Variants in TRIM2 observed in about 807,000 individuals in gnomAD.
TRIM2 encodes the protein tripartite motif-containing protein 2.
A neutral mutation model predicts 75.2 loss-of-function variants in TRIM2; 20 were observed. The ratio of observed to expected loss-of-function variants is 0.27; its 90% CI spans 0.19 to 0.39. The LOEUF (loss-of-function observed/expected upper bound fraction) is 0.39. TRIM2 is among the 10% of genes least tolerant of loss of function. TRIM2 has a pLI of 1.00. For synonymous variants in TRIM2, 373 were observed against 388.3 expected (o/e 0.96, Z 0.46); for missense variants, 660 against 990.8 (o/e 0.67, Z 4.48).
intron 1 of TRIM2, among the ~76,000 whole-genome samples, chr4:153,205,567 C>T (rs947092833): frequency 2.6e-5 from 4 of 151,994 alleles, no homozygotes; most frequent in Non-Finnish European, 4.4e-5. Flanking sequence ...TCTGGTGAGC[C>T]CCGTGGTGTG....
At chr4:153,294,837 C>T (rs897458440) in intron 5 of TRIM2, among the ~76,000 whole-genome samples, 1 of 152,182 alleles carries the variant, frequency 6.6e-6, no homozygotes, top group Non-Finnish European at 1.5e-5. Context: ...TCAAAATGAA[C>T]CCTGACTGCA....
chr4:153,244,386 T>TCTTCTTCTC (rs1748225332), intron 1 of TRIM2, among the ~76,000 whole-genome samples: 1 of 74,350 alleles, frequency 1.3e-5, no homozygotes, highest in Non-Finnish European at 2.3e-5. Context: ...TTCTTCTTCT[T>TCTTCTTCTC]CTTCTTCTTC....
At chr4:153,229,294 C>T (rs1057086795) in intron 1 of TRIM2, among the ~76,000 whole-genome samples, 8 of 152,176 alleles carry the variant, frequency 5.3e-5, no homozygotes, top group Non-Finnish European at 8.8e-5. Context: ...GACAGAGTCT[C>T]ACACTGTCAC....
intron 1 of TRIM2, among the ~76,000 whole-genome samples, chr4:153,194,697 T>C (rs1437888339): frequency 6.6e-6 from 1 of 152,154 alleles, no homozygotes; most frequent in Non-Finnish European, 1.5e-5. Flanking sequence ...TTCACTAGTG[T>C]CAAAATGCAT....
intron 1 of TRIM2, among the ~76,000 whole-genome samples, chr4:153,233,426 G>A (rs1480933040): frequency 6.6e-6 from 1 of 151,876 alleles, no homozygotes; most frequent in Non-Finnish European, 1.5e-5. Context: ...TTTACTTACA[G>A]TCAAATTCAC....
At position 153,295,231 on chromosome 4, in the gene TRIM2, C is replaced by T. The variant is rs1359462136; in HGVS notation, c.787-82C>T. 1.4e-6 allele frequency: 2 copies of T among 1,442,630 alleles called. No homozygotes were observed. Among genetic ancestry groups the T allele is most frequent in the Non-Finnish European group, 1.8e-6 (2 of 1,096,432 alleles). 89.4% of individuals were successfully genotyped at this position (1,442,630 alleles called of 1,614,324 possible). A position where few individuals can be genotyped will look rare whatever the true frequency, so the allele number is the denominator to read the frequency against. Reference sequence around the variant, plus strand: ...ACCTGCGTGGGCAGGTGTAGAGTCTCCTTCTCGCCGGTGGAGGGCACTGCC... The same window carrying T: ...ACCTGCGTGGGCAGGTGTAGAGTCTTCTTCTCGCCGGTGGAGGGCACTGCC... On this transcript the variant is annotated intron_variant, in intron 5 of 11. Coordinates refer to ENST00000338700, the MANE Select transcript of TRIM2 (RefSeq NM_015271.5). The surrounding 1 kb of genome is among the most constrained non-coding windows in gnomAD (Gnocchi z 7.2).
chr4:153,292,080 C>A (rs779335000), intron 3 of TRIM2, among the ~76,000 whole-genome samples: 1 of 152,168 alleles, frequency 6.6e-6, no homozygotes, highest in Non-Finnish European at 1.5e-5. Context: ...GGTCCCAAGA[C>A]GTTTTCAAGC....
chr4:153,174,645 C>T (rs1276192742), intron 1 of TRIM2, among the ~76,000 whole-genome samples: 1 of 152,234 alleles, frequency 6.6e-6, no homozygotes. Flanking sequence ...AATTATTCAT[C>T]TCACTGAATT....
At chr4:153,260,700 C>CCCCCCA (rs1560902966) in intron 1 of TRIM2, among the ~76,000 whole-genome samples, 3 of 67,914 alleles carry the variant, frequency 4.4e-5, no homozygotes, top group South Asian at 8.9e-4. Flanking sequence ...ACCCCCCCCC[C>CCCCCCA]CACACACACA....
intron 1 of TRIM2, among the ~76,000 whole-genome samples, chr4:153,193,138 T>C (rs1733385246): frequency 6.8e-6 from 1 of 147,656 alleles, no homozygotes; most frequent in African/African-American, 2.5e-5. Context: ...TTTTTTTTTT[T>C]TTTTTTTTTT....
At chr4:153,153,501 C>A (rs1008658567) in intron 1 of TRIM2, among the ~76,000 whole-genome samples, 1 of 152,158 alleles carries the variant, frequency 6.6e-6, no homozygotes, top group Non-Finnish European at 1.5e-5. Context: ...GGGTTGCCAG[C>A]GCCGGGCTTG....
chr4:153,325,244 G>C (rs1468662699), intron 10 of TRIM2, among the ~76,000 whole-genome samples: 1 of 152,218 alleles, frequency 6.6e-6, no homozygotes, highest in Non-Finnish European at 1.5e-5. Flanking sequence ...CCAAGTCCCT[G>C]TGCAGACAGT....
At chr4:153,285,118 G>A (rs1760301591) in intron 3 of TRIM2, among the ~76,000 whole-genome samples, 1 of 152,128 alleles carries the variant, frequency 6.6e-6, no homozygotes, top group Non-Finnish European at 1.5e-5. Context: ...TTTGTATGTG[G>A]TTTGAAGGAA....
intron 11 of TRIM2, among the ~76,000 whole-genome samples, chr4:153,333,530 C>T (rs1771959322): frequency 6.6e-6 from 1 of 152,148 alleles, no homozygotes; most frequent in African/African-American, 2.4e-5. Context: ...TACACAGGAC[C>T]TTTCTCTACT....
In TRIM2 at chr4:153,295,936, C is replaced by G; in HGVS notation, c.1410C>G (p.Ser470Arg). 6.3e-7 allele frequency: 1 copy of G among 1,594,112 alleles called. No individual in the cohort carries two copies. The highest frequency in any genetic ancestry group is 1.8e-5 in the Admixed American group (1 of 56,934). The stretch of plus-strand genomic sequence containing the variant: ...AGAGGCGCGTTAAGTCCCCGGGGAG[C>G]GGCCACGTCAAGCAGAAAGCTGTGA... Reference protein sequence around the residue: ...GVKRRVKSPGSGHVKQKAVKR... With the variant: ...GVKRRVKSPGRGHVKQKAVKR... The change falls in exon 6 of 12, where the codon AGC becomes AGG. Residue 470 changes from serine (S) to arginine (R), a missense_variant. Coordinates refer to ENST00000338700, the MANE Select transcript of TRIM2 (RefSeq NM_015271.5). This position sits in a 1 kb window ranked among gnomAD's most constrained non-coding sequence, Gnocchi z 7.2.
At chr4:153,230,309 T>C (rs1180073735) in intron 1 of TRIM2, among the ~76,000 whole-genome samples, 6 of 152,144 alleles carry the variant, frequency 3.9e-5, no homozygotes, top group Admixed American at 1.3e-4. Flanking sequence ...GCCTCCTGAG[T>C]AGCTGGAACT....
At chr4:153,167,808 A>T (rs1242616280) in intron 1 of TRIM2, among the ~76,000 whole-genome samples, 1 of 152,180 alleles carries the variant, frequency 6.6e-6, no homozygotes, top group African/African-American at 2.4e-5. Flanking sequence ...CCTAATTTAA[A>T]GGACACAGGC....
intron 6 of TRIM2, among the ~76,000 whole-genome samples, chr4:153,311,096 T>C (rs1766185258): frequency 6.6e-6 from 1 of 152,232 alleles, no homozygotes; most frequent in Non-Finnish European, 1.5e-5. Flanking sequence ...CTCCTTGCTC[T>C]GAATGGTCTA....
chr4:153,273,270 C>CTTTTTTTTTTTT lies in TRIM2; in HGVS notation c.216-2611_216-2600dup, dbSNP rs72414117. On this transcript the variant is annotated intron_variant, in intron 2 of 11. Transcript: ENST00000338700. ...ACTCAGTGAGCACCTTACAGTCACTCTTTTTTTTTTTTTTTTTTTTTTTGA... is the reference window on the plus strand; with the variant it reads ...ACTCAGTGAGCACCTTACAGTCACTCTTTTTTTTTTTTTTTTTTTTTTTTTTTTTTTTTTTGA... Among the ~76,000 whole-genome samples, 37 of 57,386 alleles carry CTTTTTTTTTTTT rather than the reference C, an allele frequency of 6.4e-4. 2 individuals carry two copies. Among genetic ancestry groups the CTTTTTTTTTTTT allele is most frequent in the African/African-American group, 1.5e-3 (22 of 14,306 alleles). The allele number at this position is 57,386 out of a possible 152,430, so 37.6% of individuals were successfully genotyped here. A position where few individuals can be genotyped will look rare whatever the true frequency, so the allele number is the denominator to read the frequency against.
Sources: allele counts gnomAD v4.1 joint callset (sites outside exome capture counted in the v4.1 genomes callset), GRCh38; gene constraint gnomAD v4.1.1; non-coding constraint Gnocchi (gnomAD v3.1); transcripts MANE v1.5; gene names NCBI Gene and HGNC (gene_info 2026-07-23, HGNC 2026-07-21).